Variants in GOLPH3 observed in about 807,000 individuals in gnomAD.
The protein encoded by GOLPH3 is golgi phosphoprotein 3.
In GOLPH3, 14 loss-of-function variants were observed where a neutral mutation model predicts 28.5. The ratio of observed to expected loss-of-function variants is 0.49; its 90% CI spans 0.32 to 0.77. The LOEUF is 0.77. GOLPH3 is among the 30% of genes least tolerant of loss of function. GOLPH3 has a pLI of 0.03. For synonymous variants in GOLPH3, 158 were observed against 159.2 expected (o/e 0.99, Z 0.06); for missense variants, 350 against 393.7 (o/e 0.89, Z 0.94).
chr5:32,155,764 C>G (rs1324031202), intron 1 of GOLPH3, among the ~76,000 whole-genome samples: 7 of 149,478 alleles, frequency 4.7e-5, no homozygotes, highest in Non-Finnish European at 7.4e-5. Flanking sequence ...TTGAGACCAG[C>G]CTGACCAACA....
At chr5:32,152,272 G>A (rs1192701999) in intron 1 of GOLPH3, among the ~76,000 whole-genome samples, 5 of 151,412 alleles carry the variant, frequency 3.3e-5, no homozygotes, top group Non-Finnish European at 5.9e-5. Context: ...GACTACAGGC[G>A]TGCGCCACCA....
At position 32,126,635 on chromosome 5, in the gene GOLPH3, A is replaced by C; in HGVS notation, c.474T>G (p.Gly158=). 1 of 1,605,288 alleles carries C rather than the reference A, an allele frequency of 6.2e-7. No individual in the cohort carries two copies. The highest frequency in any genetic ancestry group is 8.5e-7 in the Non-Finnish European group (1 of 1,175,962). ...GCAATTTTAATGGATTCCATGTCTC[A>C]CCTAAACAAAAGATTTCAGAAGTTA... ...TVQNWIELLS[G]ETWNPLKLHY... Residue 158 remains glycine, a splice_region_variant and synonymous_variant, in exon 4 of 4, where the codon GGT becomes GGG. Coordinates refer to ENST00000265070, the MANE Select transcript of GOLPH3 (RefSeq NM_022130.4).
intron 2 of GOLPH3, among the ~76,000 whole-genome samples, chr5:32,137,772 G>C (rs1745967910): frequency 6.6e-6 from 1 of 152,116 alleles, no homozygotes; most frequent in African/African-American, 2.4e-5. Flanking sequence ...GAACCCTATA[G>C]CCTTCATTCA....
chr5:32,157,050 G>A (rs1746447428), intron 1 of GOLPH3, among the ~76,000 whole-genome samples: 1 of 152,230 alleles, frequency 6.6e-6, no homozygotes, highest in African/African-American at 2.4e-5. Context: ...TCCCTTTTAA[G>A]CAATTTGTAA....
intron 3 of GOLPH3, among the ~76,000 whole-genome samples, chr5:32,131,157 C>T (rs1363793140): frequency 6.6e-6 from 1 of 152,164 alleles, no homozygotes; most frequent in Non-Finnish European, 1.5e-5. Context: ...GACGGTTATT[C>T]AGATCTCCTC....
chr5:32,125,699 T>C lies in GOLPH3; in HGVS notation c.*513A>G, dbSNP rs2111829154. 6.5e-6 allele frequency: 1 copy of C among 153,122 alleles called. No individual in the cohort carries two copies. Among genetic ancestry groups the C allele is most frequent in the East Asian group, 1.9e-4 (1 of 5,202 alleles). 9.5% of individuals were successfully genotyped at this position (153,122 alleles called of 1,614,324 possible). A position where few individuals can be genotyped will look rare whatever the true frequency, so the allele number is the denominator to read the frequency against. ...CCAAGGGACATTTTATATTAAGTAT[T>C]TACTGTGCTGTTTCAATTTAAAAAT... On this transcript the variant is annotated 3_prime_UTR_variant, in exon 4 of 4. Coordinates refer to ENST00000265070, the MANE Select transcript of GOLPH3 (RefSeq NM_022130.4).
intron 3 of GOLPH3, among the ~76,000 whole-genome samples, chr5:32,129,405 G>C (rs1745774434): frequency 6.6e-6 from 1 of 152,174 alleles, no homozygotes; most frequent in Non-Finnish European, 1.5e-5. Flanking sequence ...CCCATGTGCA[G>C]AATAAACATT....
Position 32,174,028 on chromosome 5 carries a change from A to T in GOLPH3, c.7T>A (p.Ser3Thr). Residue 3 changes from serine to threonine, a missense_variant, in exon 1 of 4, where the codon TCG becomes ACG. Physicochemically the swap from Ser to Thr is moderately conservative, Grantham distance 58. Transcript: ENST00000265070. Reference sequence around the variant, plus strand: ...AGGCCGGAGCTGCGCTGGGTCAGCGAGGTCATGGCTCCCGCCGAGGCGCCG... The same window carrying T: ...AGGCCGGAGCTGCGCTGGGTCAGCGTGGTCATGGCTCCCGCCGAGGCGCCG... The part of the protein sequence containing the change: MT[S>T]LTQRSSGLVQ... The T allele has an allele frequency of 7.8e-7, 1 of 1,284,368 alleles. No homozygotes were observed. The highest frequency in any genetic ancestry group is 9.8e-7 in the Non-Finnish European group (1 of 1,022,540). 79.6% of individuals were successfully genotyped at this position (1,284,368 alleles called of 1,614,324 possible).
chr5:32,156,429 G>C (rs1746427812), intron 1 of GOLPH3, among the ~76,000 whole-genome samples: 1 of 152,074 alleles, frequency 6.6e-6, no homozygotes, highest in African/African-American at 2.4e-5. Context: ...CTTGAACCTG[G>C]GAGGCAGCGG....
chr5:32,128,924 CA>C (rs927454870), intron 3 of GOLPH3, among the ~76,000 whole-genome samples: 4 of 152,094 alleles, frequency 2.6e-5, no homozygotes, highest in Non-Finnish European at 4.4e-5. Context: ...CCCGTCTCTA[CA>C]AAAAATACAA....
chr5:32,166,603 T>G (rs1746715603), intron 1 of GOLPH3, among the ~76,000 whole-genome samples: 2 of 151,804 alleles, frequency 1.3e-5, no homozygotes, highest in African/African-American at 2.4e-5. Flanking sequence ...AGGTCAAGAG[T>G]TCGAGACCAG....
intron 2 of GOLPH3, among the ~76,000 whole-genome samples, chr5:32,139,420 C>A (rs1746008821): frequency 6.6e-6 from 1 of 152,210 alleles, no homozygotes; most frequent in Non-Finnish European, 1.5e-5. Flanking sequence ...TGAGGAACAA[C>A]TATATTCTAG....
At chr5:32,138,305 A>T (rs1224296805) in intron 2 of GOLPH3, among the ~76,000 whole-genome samples, 1 of 152,210 alleles carries the variant, frequency 6.6e-6, no homozygotes, top group Non-Finnish European at 1.5e-5. Flanking sequence ...ATATACATAC[A>T]GTATCTATCT....
intron 1 of GOLPH3, among the ~76,000 whole-genome samples, chr5:32,151,246 G>A (rs1746299636): frequency 6.7e-6 from 1 of 149,888 alleles, no homozygotes; most frequent in South Asian, 2.1e-4. Context: ...ATATTTTGAG[G>A]CCAGGCACAG....
chr5:32,159,208 A>G (rs748691817), intron 1 of GOLPH3, among the ~76,000 whole-genome samples: 2 of 152,232 alleles, frequency 1.3e-5, no homozygotes, highest in Non-Finnish European at 2.9e-5. Context: ...TGGGACCCGA[A>G]GTGTTTCAGA....
chr5:32,143,650 T>C (rs374538464), intron 2 of GOLPH3, 99 bp downstream of exon 2: 14 of 1,058,768 alleles, frequency 1.3e-5, no homozygotes, highest in East Asian at 5.5e-5. Flanking sequence ...ACAACTTTAA[T>C]ATCAACTTCC....
Position 32,126,123 on chromosome 5 carries a change from A to G in GOLPH3, c.*89T>C. 1 of 1,336,258 alleles carries G rather than the reference A, an allele frequency of 7.5e-7. No individual in the cohort carries two copies. Among genetic ancestry groups the G allele is most frequent in the Non-Finnish European group, 1.0e-6 (1 of 969,140 alleles). The allele number at this position is 1,336,258 out of a possible 1,614,324, so 82.8% of individuals were successfully genotyped here. Reference sequence around the variant, plus strand: ...AAACAGAAGCCAATTATAGTGTGGGAAAGTACAAATTACAGAAAACCAGAA... The same window carrying G: ...AAACAGAAGCCAATTATAGTGTGGGGAAGTACAAATTACAGAAAACCAGAA... On this transcript the variant is annotated 3_prime_UTR_variant, in exon 4 of 4. Transcript: ENST00000265070.
chr5:32,132,142 A>G (rs1426265327), intron 3 of GOLPH3, among the ~76,000 whole-genome samples: 1 of 152,196 alleles, frequency 6.6e-6, no homozygotes, highest in Non-Finnish European at 1.5e-5. Context: ...GGTGATGGCG[A>G]GACTTTGTCC....
At chr5:32,168,430 A>AT (rs1350641126) in intron 1 of GOLPH3, among the ~76,000 whole-genome samples, 1 of 152,162 alleles carries the variant, frequency 6.6e-6, no homozygotes, top group African/African-American at 2.4e-5. Context: ...ATTACATATT[A>AT]TTTACCTCAA....
Sources: allele counts gnomAD v4.1 joint callset (sites outside exome capture counted in the v4.1 genomes callset), GRCh38; gene constraint gnomAD v4.1.1; transcripts MANE v1.5; gene names NCBI Gene and HGNC (gene_info 2026-07-23, HGNC 2026-07-21).